CLIC4: variants seen among roughly 807,000 people sequenced by gnomAD.
CLIC4 encodes CLIC family member 4.
In CLIC4, 13 loss-of-function variants were observed where a neutral mutation model predicts 24.6. That is an observed-to-expected ratio of 0.53 (90% CI 0.34 to 0.84). The LOEUF (loss-of-function observed/expected upper bound fraction) is 0.84, where lower values mean the gene tolerates loss of function less well. Ranked by LOEUF, CLIC4 falls within the 40% of genes least tolerant of loss-of-function variation. The probability of loss-of-function intolerance (pLI) is 0.01; values close to 1 mark genes in which losing one functional copy is unlikely to be tolerated. For synonymous variants in CLIC4, 104 were observed against 111.3 expected (o/e 0.93, Z 0.41); for missense variants, 227 against 301.7 (o/e 0.75, Z 1.83).
chr1:24,755,116 C>T (rs540506008), intron 1 of CLIC4, among the ~76,000 whole-genome samples: 2 of 150,180 alleles, frequency 1.3e-5, no homozygotes, highest in East Asian at 4.0e-4. Context: ...AGTGAGTCCT[C>T]ATCTCTATAA....
intron 2 of CLIC4, 96 bp from the exon 3 acceptor site, chr1:24,813,998 C>CA: frequency 1.4e-6 from 2 of 1,460,730 alleles, no homozygotes; most frequent in Admixed American, 3.5e-5. Flanking sequence ...ACTACAGACG[C>CA]AAGCCACCGT....
chr1:24,750,580 G>A (rs768276368), intron 1 of CLIC4, among the ~76,000 whole-genome samples: 1 of 151,766 alleles, frequency 6.6e-6, no homozygotes, highest in African/African-American at 2.4e-5. Flanking sequence ...GGTCAGGCTT[G>A]TCTCGAACTC....
At chr1:24,782,987 A>C (rs1376191944) in intron 1 of CLIC4, among the ~76,000 whole-genome samples, 1 of 152,004 alleles carries the variant, frequency 6.6e-6, no homozygotes, top group Non-Finnish European at 1.5e-5. Flanking sequence ...CTCAAAAAAA[A>C]CCCAACAAAA....
chr1:24,780,700 G>A (rs1639192246), intron 1 of CLIC4, among the ~76,000 whole-genome samples: 1 of 152,170 alleles, frequency 6.6e-6, no homozygotes, highest in African/African-American at 2.4e-5. Context: ...CAGAATCTTG[G>A]TTGTCACCCC....
At chr1:24,813,997 G>T in intron 2 of CLIC4, 97 bp from the exon 3 acceptor site, 1 of 1,445,350 alleles carries the variant, frequency 6.9e-7, no homozygotes, top group Non-Finnish European at 9.7e-7. Context: ...GACTACAGAC[G>T]CAAGCCACCG....
chr1:24,836,598 G>A (rs1639887898), intron 4 of CLIC4, among the ~76,000 whole-genome samples: 1 of 152,210 alleles, frequency 6.6e-6, no homozygotes, highest in Admixed American at 6.5e-5. Flanking sequence ...AGCACTTAGG[G>A]AGGCTGAGGT....
At chr1:24,798,847 G>C (rs995323833) in intron 2 of CLIC4, among the ~76,000 whole-genome samples, 156 of 152,350 alleles carry the variant, frequency 1.0e-3, no homozygotes, top group African/African-American at 3.7e-3. Context: ...GGGTTTCGCT[G>C]TGTTGGCCGG....
intron 1 of CLIC4, among the ~76,000 whole-genome samples, chr1:24,750,248 A>G (rs2124075824): frequency 6.6e-6 from 1 of 152,212 alleles, no homozygotes; most frequent in South Asian, 2.1e-4. Context: ...CTGTCTCGGG[A>G]GGAAAACAAC....
chr1:24,745,648 C>A (rs1042807756), intron 1 of CLIC4, 23 bp downstream of exon 1: 50 of 1,527,906 alleles, frequency 3.3e-5, no homozygotes, highest in Non-Finnish European at 4.4e-5. Context: ...CTCGCGGTCC[C>A]GCCCGGCAGA....
rs537236059 is a variant in CLIC4, at chr1:24,752,419, A to G, written c.72+6794A>G. 8.5e-5 allele frequency among the ~76,000 whole-genome samples: 13 copies of G among 152,180 alleles called. No homozygotes were observed. In the East Asian group the frequency reaches 1.9e-3, roughly 23 times the overall value. ...TCATTAAGGGACCCGGGCTCTTTCT[A>G]GCTTATTTGTCCACTAACTCCCAGA... On this transcript the variant is annotated intron_variant, in intron 1 of 5. Coordinates refer to ENST00000374379, the MANE Select transcript of CLIC4 (RefSeq NM_013943.3).
Position 24,841,009 on chromosome 1 carries a change from C to G in CLIC4, c.*72C>G. The G allele has an allele frequency of 2.3e-6, 3 of 1,292,832 alleles. No individual in the cohort carries two copies. 80.1% of individuals were successfully genotyped at this position (1,292,832 alleles called of 1,614,324 possible). On this transcript the variant is annotated 3_prime_UTR_variant, in exon 6 of 6. Coordinates refer to ENST00000374379, the MANE Select transcript of CLIC4 (RefSeq NM_013943.3). Reference sequence around the variant, plus strand: ...CGCTTTTCCTAACAGGCTACTCCTTCCTGTAGAGCAGAAATTGTATTTTGC... The same window carrying G: ...CGCTTTTCCTAACAGGCTACTCCTTGCTGTAGAGCAGAAATTGTATTTTGC...
At chr1:24,805,114 C>CAA (rs1639536606) in intron 2 of CLIC4, among the ~76,000 whole-genome samples, 2 of 112,402 alleles carry the variant, frequency 1.8e-5, no homozygotes, top group Non-Finnish European at 1.9e-5. Flanking sequence ...AACACAAAAA[C>CAA]AAAGACAAAC....
chr1:24,795,350 G>C (rs1054261722), intron 1 of CLIC4, among the ~76,000 whole-genome samples: 1 of 152,016 alleles, frequency 6.6e-6, no homozygotes, highest in African/African-American at 2.4e-5. Flanking sequence ...CTTGCTCTCT[G>C]AAGGAATGTG....
intron 3 of CLIC4, among the ~76,000 whole-genome samples, chr1:24,821,214 T>C (rs1203022506): frequency 1.3e-5 from 2 of 152,010 alleles, no homozygotes; most frequent in African/African-American, 4.8e-5. Flanking sequence ...AAAAAAGAAT[T>C]TTCATTATTC....
At chr1:24,758,705 G>T (rs774101058) in intron 1 of CLIC4, among the ~76,000 whole-genome samples, 2 of 152,066 alleles carry the variant, frequency 1.3e-5, no homozygotes, top group Non-Finnish European at 2.9e-5. Context: ...TGATCTGCCC[G>T]CCTTGGCCTT....
chr1:24,764,515 A>T (rs1321348765), intron 1 of CLIC4, among the ~76,000 whole-genome samples: 3 of 152,028 alleles, frequency 2.0e-5, no homozygotes, highest in Non-Finnish European at 4.4e-5. Flanking sequence ...TTAGCTGTGT[A>T]TTGAGGCACA....
chr1:24,831,210 G>A (rs1437512708), intron 4 of CLIC4, among the ~76,000 whole-genome samples: 4 of 152,252 alleles, frequency 2.6e-5, no homozygotes, highest in Non-Finnish European at 5.9e-5. Flanking sequence ...TGTTATGCTA[G>A]ACTCTTAATT....
chr1:24,799,382 G>A (rs1157625488), intron 2 of CLIC4, among the ~76,000 whole-genome samples: 4 of 149,578 alleles, frequency 2.7e-5, no homozygotes, highest in Admixed American at 6.6e-5. Context: ...CGGCCGCCCC[G>A]TCTGAGAAGT....
chr1:24,831,654 T>G (rs1160879120), intron 4 of CLIC4, among the ~76,000 whole-genome samples: 1 of 152,164 alleles, frequency 6.6e-6, no homozygotes, highest in African/African-American at 2.4e-5. Flanking sequence ...TTTTGTTTGT[T>G]TTGTTTAAGA....
Sources: allele counts gnomAD v4.1 joint callset (sites outside exome capture counted in the v4.1 genomes callset), GRCh38; gene constraint gnomAD v4.1.1; transcripts MANE v1.5; gene names NCBI Gene and HGNC (gene_info 2026-07-23, HGNC 2026-07-21).